The following LRRTM3 variants were observed in gnomAD, a reference collection of about 807,000 sequenced individuals.
LRRTM3 encodes the protein leucine-rich repeat transmembrane neuronal protein 3.
A neutral mutation model predicts 44.7 loss-of-function variants in LRRTM3; 24 were observed. The observed-to-expected ratio is 0.54, with a 90% CI of 0.39 to 0.76. The LOEUF (loss-of-function observed/expected upper bound fraction) is 0.76. Ranked by LOEUF, LRRTM3 falls within the 30% of genes least tolerant of loss-of-function variation. The probability of loss-of-function intolerance (pLI) is 0.00; values close to 1 mark genes in which losing one functional copy is unlikely to be tolerated. For missense variants in LRRTM3, 587 were observed against 702.2 expected, an observed-to-expected ratio of 0.84 and a Z score of 1.85; for synonymous variants, 277 against 278.7, an observed-to-expected ratio of 0.99 and a Z score of 0.06.
At position 67,066,195 on chromosome 10, in the gene LRRTM3, CTTT is replaced by C. The variant is rs71006118; in HGVS notation, c.1537-31377_1537-31375del. Among the ~76,000 whole-genome samples, 195 of 123,062 alleles carry C rather than the reference CTTT, an allele frequency of 1.6e-3. 1 individual carries two copies. The highest frequency in any genetic ancestry group is 5.9e-3 in the African/African-American group (183 of 30,916). The allele number at this position is 123,062 out of a possible 152,430, so 80.7% of individuals were successfully genotyped here. On this transcript the variant is annotated intron_variant, in intron 2 of 2. Transcript: ENST00000361320. ...CTGCTGTGCCCACTGAAGTCACTGG[CTTT>C]TTTTTTTTTTTTTTGAGACAGTCTT... is the stretch of plus-strand genomic sequence containing the variant.
At chr10:66,938,046 T>C (rs1847806658) in intron 2 of LRRTM3, among the ~76,000 whole-genome samples, 1 of 152,196 alleles carries the variant, frequency 6.6e-6, no homozygotes, top group African/African-American at 2.4e-5. Context: ...ATAGATGTTG[T>C]TGAATTGATT....
intron 2 of LRRTM3, among the ~76,000 whole-genome samples, chr10:67,065,997 C>A (rs982435397): frequency 3.3e-5 from 5 of 151,698 alleles, no homozygotes; most frequent in African/African-American, 1.2e-4. Context: ...CATATTTTGA[C>A]AAAATATTAT....
At chr10:66,997,824 A>C (rs1299703582) in intron 2 of LRRTM3, among the ~76,000 whole-genome samples, 5 of 152,176 alleles carry the variant, frequency 3.3e-5, no homozygotes, top group Non-Finnish European at 7.4e-5. Context: ...AACTATCCAC[A>C]AAATCACCCA....
At chr10:66,932,041 C>T (rs1270157743) in intron 2 of LRRTM3, among the ~76,000 whole-genome samples, 4 of 152,144 alleles carry the variant, frequency 2.6e-5, no homozygotes, top group South Asian at 2.1e-4. Context: ...CCTCCCCTTC[C>T]GGCTTTAGAA....
At position 67,097,994 on chromosome 10, in the gene LRRTM3, G is replaced by C; in HGVS notation, c.*198G>C. 1 of 579,072 alleles carries C rather than the reference G, an allele frequency of 1.7e-6. No individual in the cohort carries two copies. The allele number at this position is 579,072 out of a possible 1,614,324, so 35.9% of individuals were successfully genotyped here. The stretch of plus-strand genomic sequence containing the variant: ...AAGTCTACACTTTGTAATTAGCTAA[G>C]TTGTGCAGTATTTTTTGACTTAAAC... On this transcript the variant is annotated 3_prime_UTR_variant, in exon 3 of 3. Coordinates refer to ENST00000361320, the MANE Select transcript of LRRTM3 (RefSeq NM_178011.5).
intron 2 of LRRTM3, among the ~76,000 whole-genome samples, chr10:67,022,306 G>A (rs1385644381): frequency 6.6e-6 from 1 of 152,080 alleles, no homozygotes; most frequent in Non-Finnish European, 1.5e-5. Context: ...TGGCAACTGA[G>A]AAAAAGCTTT....
At chr10:66,935,709 T>C (rs1056059425) in intron 2 of LRRTM3, among the ~76,000 whole-genome samples, 5 of 151,992 alleles carry the variant, frequency 3.3e-5, no homozygotes, top group African/African-American at 4.8e-5. Context: ...GAGTCCTTAT[T>C]ATGTACCAGG....
intron 2 of LRRTM3, among the ~76,000 whole-genome samples, chr10:67,014,772 GA>G (rs959526037): frequency 2.0e-5 from 3 of 150,500 alleles, no homozygotes; most frequent in Non-Finnish European, 3.0e-5. Flanking sequence ...CCATTTATCA[GA>G]AAAAAAACAG....
chr10:66,982,981 C>A (rs1850530356), intron 2 of LRRTM3, among the ~76,000 whole-genome samples: 4 of 152,134 alleles, frequency 2.6e-5, no homozygotes, highest in Non-Finnish European at 1.5e-5. Flanking sequence ...GCGCCCTCGG[C>A]TCAGGCAGCA....
intron 2 of LRRTM3, among the ~76,000 whole-genome samples, chr10:66,939,812 T>C (rs905831994): frequency 1.3e-5 from 2 of 152,174 alleles, no homozygotes; most frequent in African/African-American, 4.8e-5. Flanking sequence ...TTTGAGAACC[T>C]TGCAGTCCAT....
intron 2 of LRRTM3, among the ~76,000 whole-genome samples, chr10:66,947,953 T>C (rs190562431): frequency 3.9e-5 from 6 of 152,338 alleles, no homozygotes; most frequent in East Asian, 1.9e-4. Context: ...CTAGGCTATA[T>C]GGTATAGGCT....
At chr10:67,091,039 T>C (rs1284879245) in intron 2 of LRRTM3, among the ~76,000 whole-genome samples, 2 of 152,052 alleles carry the variant, frequency 1.3e-5, no homozygotes, top group African/African-American at 2.4e-5. Context: ...TTTCTTAATA[T>C]TACTCAAATA....
chr10:66,978,038 A>C (rs1850151825), intron 2 of LRRTM3, among the ~76,000 whole-genome samples: 1 of 131,184 alleles, frequency 7.6e-6, no homozygotes, highest in Admixed American at 9.0e-5. Context: ...CATGAGTGAA[A>C]TAAATTTGCA....
intron 2 of LRRTM3, among the ~76,000 whole-genome samples, chr10:67,082,486 T>C (rs996642780): frequency 1.3e-5 from 2 of 152,164 alleles, no homozygotes; most frequent in Non-Finnish European, 2.9e-5. Flanking sequence ...CAAAGGGCTA[T>C]ACTTAAGGCC....
Position 66,968,289 on chromosome 10 carries a change from C to T in LRRTM3, c.1536+39837C>T, listed in dbSNP as rs376611377. On this transcript the variant is annotated intron_variant, in intron 2 of 2. Coordinates refer to ENST00000361320, the MANE Select transcript of LRRTM3 (RefSeq NM_178011.5). ...AATACCAAGAGGCAGTTTGATTCTA[C>T]AGTATGGCAAGTAAGGAATATCAGA... is the stretch of plus-strand genomic sequence containing the variant. Among the ~76,000 whole-genome samples the T allele has an allele frequency of 6.0e-5, 9 of 150,976 alleles. No individual in the cohort carries two copies. The East Asian group carries it at 1.4e-3, about 23-fold the overall frequency.
intron 2 of LRRTM3, among the ~76,000 whole-genome samples, chr10:66,983,618 A>T (rs1850569820): frequency 6.6e-6 from 1 of 152,208 alleles, no homozygotes; most frequent in African/African-American, 2.4e-5. Context: ...AAAATTGATA[A>T]GGAGATTATT....
At chr10:66,968,550 T>C (rs1218278727) in intron 2 of LRRTM3, among the ~76,000 whole-genome samples, 1 of 151,838 alleles carries the variant, frequency 6.6e-6, no homozygotes, top group Non-Finnish European at 1.5e-5. Context: ...GCGATTGGAT[T>C]CAGGAGTTTC....
intron 2 of LRRTM3, among the ~76,000 whole-genome samples, chr10:66,990,316 A>T (rs1408651527): frequency 6.6e-6 from 1 of 152,184 alleles, no homozygotes; most frequent in Non-Finnish European, 1.5e-5. Context: ...AAACTGTAGT[A>T]CTATCCTTTG....
At chr10:66,997,709 C>A (rs1851433216) in intron 2 of LRRTM3, among the ~76,000 whole-genome samples, 1 of 152,116 alleles carries the variant, frequency 6.6e-6, no homozygotes, top group Admixed American at 6.6e-5. Context: ...ATTAAATAAT[C>A]TTATACCTTA....
Sources: gnomAD v4.1 joint callset for allele counts (sites outside exome capture counted in the v4.1 genomes callset) on GRCh38, gnomAD v4.1.1 for gene constraint, MANE v1.5 for transcripts, NCBI Gene and HGNC (gene_info 2026-07-23, HGNC 2026-07-21) for gene names.